Variants in ANO3 observed in about 807,000 individuals in gnomAD.
The protein encoded by ANO3 is anoctamin 3, also known as anoctamin-3.
Under a neutral mutation model 144.8 loss-of-function variants are expected in ANO3, and 99 were observed. The ratio of observed to expected loss-of-function variants is 0.68; its 90% confidence interval spans 0.58 to 0.81. The LOEUF (loss-of-function observed/expected upper bound fraction) is 0.81. ANO3 is among the 30% of genes least tolerant of loss of function. ANO3 has a pLI of 0.00. For synonymous variants in ANO3, 414 were observed against 392.6 expected (o/e 1.05, Z -0.64); for missense variants, 905 against 1,202.2 (o/e 0.75, Z 3.66).
chr11:26,513,918 G>C (rs1861762652), intron 5 of ANO3, among the ~76,000 whole-genome samples: 1 of 151,928 alleles, frequency 6.6e-6, no homozygotes, highest in African/African-American at 2.4e-5. Context: ...GACTATATAG[G>C]TTTTCTGTAA....
At chr11:26,513,878 G>A (rs1460613987) in intron 5 of ANO3, among the ~76,000 whole-genome samples, 1 of 152,010 alleles carries the variant, frequency 6.6e-6, no homozygotes, top group Non-Finnish European at 1.5e-5. Flanking sequence ...CTTCATGAAG[G>A]TCACTCCTCC....
intron 4 of ANO3, among the ~76,000 whole-genome samples, chr11:26,464,405 G>T (rs1424839247): frequency 6.6e-6 from 1 of 151,826 alleles, no homozygotes; most frequent in Non-Finnish European, 1.5e-5. Context: ...AGTTATAAGA[G>T]AAATTAAGAT....
At chr11:26,208,583 C>G (rs1420475175) in intron 1 of ANO3, among the ~76,000 whole-genome samples, 1 of 151,744 alleles carries the variant, frequency 6.6e-6, no homozygotes, top group African/African-American at 2.4e-5. Context: ...GGCTTTTGCA[C>G]TTTACTTGCT....
At chr11:26,434,957 T>C (rs1356751436) in intron 1 of ANO3, among the ~76,000 whole-genome samples, 1 of 152,142 alleles carries the variant, frequency 6.6e-6, no homozygotes, top group Non-Finnish European at 1.5e-5. Flanking sequence ...CAATGTTGAG[T>C]TCAGGTCCTG....
At chr11:26,247,386 T>C (rs537357535) in intron 1 of ANO3, among the ~76,000 whole-genome samples, 1 of 152,372 alleles carries the variant, frequency 6.6e-6, no homozygotes, top group East Asian at 1.9e-4. Context: ...GCTAAATTTC[T>C]GTATGTACAT....
chr11:26,482,810 C>T (rs866552255), intron 4 of ANO3, among the ~76,000 whole-genome samples: 10 of 152,136 alleles, frequency 6.6e-5, no homozygotes, highest in Middle Eastern at 3.4e-3. Flanking sequence ...CTCATGTGTA[C>T]GAGTTATTTA....
intron 1 of ANO3, among the ~76,000 whole-genome samples, chr11:26,389,746 A>C (rs1191375395): frequency 6.6e-6 from 1 of 152,110 alleles, no homozygotes; most frequent in Non-Finnish European, 1.5e-5. Context: ...TTCATTATTC[A>C]TTGTGCAGTT....
At chr11:26,402,290 C>T (rs1252663968) in intron 1 of ANO3, among the ~76,000 whole-genome samples, 7 of 152,010 alleles carry the variant, frequency 4.6e-5, no homozygotes, top group East Asian at 3.9e-4. Flanking sequence ...TCCACAACTT[C>T]GCCAGTGTCT....
intron 1 of ANO3, among the ~76,000 whole-genome samples, chr11:26,272,203 T>C (rs764480506): frequency 6.6e-6 from 1 of 151,822 alleles, no homozygotes; most frequent in Non-Finnish European, 1.5e-5. Context: ...ATGGGATCCA[T>C]GGGAAGTGCC....
At chr11:26,286,368 G>T (rs1331401850) in intron 1 of ANO3, among the ~76,000 whole-genome samples, 2 of 152,186 alleles carry the variant, frequency 1.3e-5, no homozygotes. Context: ...AATTCTGGCT[G>T]CACAGCAAAA....
chr11:26,501,055 C>T (rs143145107), intron 4 of ANO3, among the ~76,000 whole-genome samples: 2 of 152,084 alleles, frequency 1.3e-5, no homozygotes, highest in African/African-American at 4.8e-5. Context: ...ATAAATTCCA[C>T]CACCAGAAAG....
chr11:26,507,665 G>T (rs1047044663), intron 4 of ANO3, among the ~76,000 whole-genome samples: 7 of 152,138 alleles, frequency 4.6e-5, no homozygotes, highest in African/African-American at 1.7e-4. Context: ...TCTTTGAAAT[G>T]CATGTAATGA....
chr11:26,323,753 A>G (rs1400690484), intron 1 of ANO3, among the ~76,000 whole-genome samples: 1 of 152,216 alleles, frequency 6.6e-6, no homozygotes, highest in African/African-American at 2.4e-5. Flanking sequence ...ACTGGCAAAA[A>G]TTGACAAATT....
At chr11:26,221,113 C>T (rs1314314070) in intron 1 of ANO3, among the ~76,000 whole-genome samples, 2 of 152,192 alleles carry the variant, frequency 1.3e-5, no homozygotes, top group African/African-American at 4.8e-5. Flanking sequence ...TCTTGTTATG[C>T]TCATTGCCAT....
intron 4 of ANO3, among the ~76,000 whole-genome samples, chr11:26,483,410 A>G (rs528164071): frequency 6.6e-6 from 1 of 152,254 alleles, no homozygotes; most frequent in Non-Finnish European, 1.5e-5. Flanking sequence ...ATGTGATTGG[A>G]TCATGGGGAT....
chr11:26,660,020 A>G (rs905642179), intron 26 of ANO3, among the ~76,000 whole-genome samples: 1 of 152,168 alleles, frequency 6.6e-6, no homozygotes, highest in Non-Finnish European at 1.5e-5. Flanking sequence ...AGTGCTTATA[A>G]AGTGATATCA....
At chr11:26,206,761 T>C (rs754889677) in intron 1 of ANO3, among the ~76,000 whole-genome samples, 9 of 152,180 alleles carry the variant, frequency 5.9e-5, no homozygotes, top group Non-Finnish European at 1.3e-4. Context: ...AAGCTGGTCA[T>C]TGAGCAGATG....
chr11:26,600,108 T>G (rs550390293), intron 17 of ANO3, among the ~76,000 whole-genome samples: 4 of 152,264 alleles, frequency 2.6e-5, no homozygotes, highest in African/African-American at 9.6e-5. Flanking sequence ...GGGAAAATCT[T>G]TTTGAAAGCG....
At position 26,309,686 on chromosome 11, in the gene ANO3, A is replaced by G; in HGVS notation, c.-36A>G. On this transcript the variant is annotated 5_prime_UTR_variant, in exon 1 of 27. Coordinates refer to the ANO3 transcript ENST00000525139. ...CTTTTCTCATCGTGAGCTTGAGAAG[A>G]GTGTGTGGGCTGCCAAAGGCAAATA... 3.0e-6 allele frequency: 3 copies of G among 985,296 alleles called. No homozygotes were observed. The South Asian group carries it at 1.4e-4, about 46-fold the overall frequency. The allele number at this position is 985,296 out of a possible 1,614,324, so 61.0% of individuals were successfully genotyped here.
Sources: gnomAD v4.1 joint callset for allele counts (sites outside exome capture counted in the v4.1 genomes callset) on GRCh38, gnomAD v4.1.1 for gene constraint, MANE v1.5 for transcripts, NCBI Gene and HGNC (gene_info 2026-07-23, HGNC 2026-07-21) for gene names.